Variants in WDR27 observed in about 807,000 individuals in gnomAD.
WDR27 encodes the protein WD repeat-containing protein 27.
A neutral mutation model predicts 114.4 loss-of-function variants in WDR27; 100 were observed. The observed-to-expected ratio is 0.87, with a 90% CI of 0.74 to 1.03. The LOEUF is 1.03. Among genes scored for constraint, WDR27 ranks in the 50% least tolerant of loss-of-function variants. The probability of loss-of-function intolerance (pLI) is 0.00; values close to 1 mark genes in which losing one functional copy is unlikely to be tolerated. For synonymous variants in WDR27, 449 were observed against 423.1 expected (o/e 1.06, Z -0.75); for missense variants, 1,129 against 1,092.9 (o/e 1.03, Z -0.47).
intron 25 of WDR27, among the ~76,000 whole-genome samples, chr6:169,476,309 C>A (rs887491227): frequency 6.6e-6 from 1 of 152,210 alleles, no homozygotes; most frequent in African/African-American, 2.4e-5. Flanking sequence ...GCTCCTTGCT[C>A]CTTGCTCTCC....
chr6:169,685,060 G>A (rs1245214132), intron 2 of WDR27, among the ~76,000 whole-genome samples: 1 of 152,184 alleles, frequency 6.6e-6, no homozygotes, highest in African/African-American at 2.4e-5. Context: ...AATGCCACTA[G>A]TGTGGATTAC....
intron 25 of WDR27, among the ~76,000 whole-genome samples, chr6:169,535,062 A>C (rs986573602): frequency 6.6e-6 from 1 of 152,206 alleles, no homozygotes; most frequent in African/African-American, 2.4e-5. Flanking sequence ...TAGTGCAAAA[A>C]CAGCACCAAT....
At chr6:169,679,046 A>G (rs1420493504) in intron 2 of WDR27, among the ~76,000 whole-genome samples, 1 of 151,812 alleles carries the variant, frequency 6.6e-6, no homozygotes, top group Non-Finnish European at 1.5e-5. Context: ...CTTTCTATCG[A>G]TCTCAGATCT....
chr6:169,552,978 GTGTGTGTGTGT>G (rs1562571508), intron 25 of WDR27, among the ~76,000 whole-genome samples: 3 of 71,172 alleles, frequency 4.2e-5, no homozygotes, highest in Non-Finnish European at 8.1e-5. Context: ...TGCCCGGTGT[GTGTGTGTGTGT>G]GTGTGTGTGT....
Position 169,457,251 on chromosome 6 carries a change from C to T in WDR27, c.*341G>A, listed in dbSNP as rs1784397055. 5.0e-6 allele frequency: 1 copy of T among 200,814 alleles called. No homozygotes were observed. The highest frequency in any genetic ancestry group is 1.0e-5 in the Non-Finnish European group (1 of 98,888). 12.4% of individuals were successfully genotyped at this position (200,814 alleles called of 1,614,324 possible). ...TTATTTTCACTGCCCAAAAGAAATT[C>T]TCTCTTTTTTCTTCCAACTCTAATT... On this transcript the variant is annotated 3_prime_UTR_variant, in exon 26 of 26. Transcript: ENST00000448612.
At chr6:169,448,751 G>T in the WDR27 span, among the ~76,000 whole-genome samples, 1 of 152,186 alleles carries the variant, frequency 6.6e-6, no homozygotes, top group Admixed American at 6.5e-5. Context: ...AGATGGGCTT[G>T]CAGTTTGCTG....
chr6:169,695,135 G>C (rs1785542840), intron 1 of WDR27, among the ~76,000 whole-genome samples: 1 of 152,150 alleles, frequency 6.6e-6, no homozygotes, highest in South Asian at 2.1e-4. Flanking sequence ...AACTTTAATG[G>C]AATAAATATT....
At chr6:169,667,265 T>C in intron 5 of WDR27, 78 bp from the exon 6 acceptor site, 1 of 1,358,292 alleles carries the variant, frequency 7.4e-7, no homozygotes, top group Non-Finnish European at 9.5e-7. Context: ...ACAGTACTAT[T>C]CACTATCAGA....
Position 169,631,464 on chromosome 6 carries a change from C to T in WDR27, c.2223+1483G>A, listed in dbSNP as rs1165102557. ...GATTAAAAGGAAGGCAAGATAAAGA[C>T]GCCTGTCGGAGCCTTTAAACCCTCC... is the stretch of plus-strand genomic sequence containing the variant. On this transcript the variant is annotated intron_variant, in intron 21 of 25. Coordinates refer to ENST00000448612, the MANE Select transcript of WDR27 (RefSeq NM_182552.5). 5.9e-5 allele frequency among the ~76,000 whole-genome samples: 9 copies of T among 152,262 alleles called. 1 individual carries two copies. The highest frequency in any genetic ancestry group is 2.4e-5 in the African/African-American group (1 of 41,556).
rs183989911 is a variant in WDR27 at position 169,586,017 on chromosome 6, C to T, written c.2425-3083G>A. On this transcript the variant is annotated intron_variant, in intron 23 of 25. Coordinates refer to ENST00000448612, the MANE Select transcript of WDR27 (RefSeq NM_182552.5). ...ATAGAAGGATCCGTGTCGTGAAAGA[C>T]ATCAAAAGCATTGAGTCATCAGAAC... Among the ~76,000 whole-genome samples the T allele has an allele frequency of 4.5e-4, 69 of 152,258 alleles. No individual in the cohort carries two copies. The East Asian group carries it at 0.012, about 26-fold the overall frequency.
chr6:169,649,222 G>C lies in WDR27; in HGVS notation c.1535C>G (p.Ser512Ter). The C allele has an allele frequency of 1.3e-6, 2 of 1,577,416 alleles. No homozygotes were observed. The highest frequency in any genetic ancestry group is 2.3e-5 in the South Asian group (2 of 85,538). Reference sequence around the variant, plus strand: ...CCGTGCGCAGCTGCTCCTGCTCCTTGAAGATCCTTTCCCCTCACTCTTGAT... The same window carrying C: ...CCGTGCGCAGCTGCTCCTGCTCCTTCAAGATCCTTTCCCCTCACTCTTGAT... Reference protein sequence around the residue: ...TNIKSEGKGSSRSRSSCAREA... With the variant: ...TNIKSEGKGS Residue 512 changes from serine to a stop codon, truncating the protein, a stop_gained, in exon 15 of 26, where the codon TCA (serine) becomes TGA (stop). Coordinates refer to ENST00000448612, the MANE Select transcript of WDR27 (RefSeq NM_182552.5). LOFTEE classifies it high-confidence loss of function.
the WDR27 span, among the ~76,000 whole-genome samples, chr6:169,445,629 T>C: frequency 3.3e-5 from 5 of 152,246 alleles, no homozygotes; most frequent in Admixed American, 6.5e-5. Flanking sequence ...GCCATGGAGC[T>C]TTCCTGTCAG....
In WDR27 at chr6:169,670,567, A is replaced by AC; in HGVS notation, c.456+1dup. On this transcript the variant is annotated splice_donor_variant, in intron 4 of 25. Coordinates refer to ENST00000448612, the MANE Select transcript of WDR27 (RefSeq NM_182552.5). LOFTEE classifies it high-confidence loss of function. ...TGAAATCCACGTGAATTTCAATCTT[A>AC]CCTCAATATCCAGCATGAATATTTT... 6.2e-7 allele frequency: 1 copy of AC among 1,613,948 alleles called. No homozygotes were observed. Among genetic ancestry groups the AC allele is most frequent in the Non-Finnish European group, 8.5e-7 (1 of 1,179,870 alleles).
chr6:169,578,005 T>C (rs1802719608), intron 24 of WDR27, among the ~76,000 whole-genome samples: 1 of 151,190 alleles, frequency 6.6e-6, no homozygotes, highest in Admixed American at 6.6e-5. Flanking sequence ...CATCCGTCTC[T>C]CTCTCTCCCC....
chr6:169,690,386 T>C (rs916913452), intron 1 of WDR27, among the ~76,000 whole-genome samples: 1 of 152,202 alleles, frequency 6.6e-6, no homozygotes, highest in Non-Finnish European at 1.5e-5. Context: ...GCTACTCTAT[T>C]TACTCTTTCT....
intron 25 of WDR27, among the ~76,000 whole-genome samples, chr6:169,547,728 C>T (rs1283080586): frequency 6.6e-6 from 1 of 152,022 alleles, no homozygotes; most frequent in African/African-American, 2.4e-5. Flanking sequence ...TAAAGCTTTC[C>T]CACTAAGATC....
intron 21 of WDR27, among the ~76,000 whole-genome samples, chr6:169,624,129 T>C (rs977533247): frequency 4.2e-5 from 5 of 119,628 alleles, no homozygotes; most frequent in East Asian, 1.4e-3. Context: ...GTCAGGTGTG[T>C]GGTGTCAGGT....
intron 25 of WDR27, among the ~76,000 whole-genome samples, chr6:169,548,861 T>C (rs188781987): frequency 6.6e-6 from 1 of 152,236 alleles, no homozygotes; most frequent in African/African-American, 2.4e-5. Context: ...AAAAAACAAA[T>C]GAATCTGGAC....
intron 25 of WDR27, among the ~76,000 whole-genome samples, chr6:169,528,232 A>C (rs1265573953): frequency 6.6e-6 from 1 of 152,238 alleles, no homozygotes; most frequent in Admixed American, 6.5e-5. Context: ...GAACTGAAAA[A>C]TTATTCTCAT....
Sources: gnomAD v4.1 joint callset for allele counts (sites outside exome capture counted in the v4.1 genomes callset) on GRCh38, gnomAD v4.1.1 for gene constraint, MANE v1.5 for transcripts, NCBI Gene and HGNC (gene_info 2026-07-23, HGNC 2026-07-21) for gene names.